ATL2: variants seen among roughly 807,000 people sequenced by gnomAD.
The protein encoded by ATL2 is atlastin-2.
ATL2 carries 31 observed loss-of-function variants against 73.9 expected under a neutral mutation model. The ratio of observed to expected loss-of-function variants is 0.42; its 90% CI spans 0.32 to 0.57. The LOEUF is 0.57. ATL2 is among the 20% of genes least tolerant of loss of function. The pLI, the probability that ATL2 is intolerant of heterozygous loss-of-function variation, is 0.14. For missense variants in ATL2, 738 were observed against 702.6 expected (o/e 1.05, Z -0.57); for synonymous variants, 291 against 237.5 (o/e 1.23, Z -2.07).
At position 38,313,294 on chromosome 2, in the gene ATL2, C is replaced by T. The variant is rs777944020; in HGVS notation, c.712-51G>A. The T allele has an allele frequency of 6.3e-5, 86 of 1,366,156 alleles. No homozygotes were observed. The East Asian group carries it at 9.1e-4, about 14-fold the overall frequency. The allele number at this position is 1,366,156 out of a possible 1,614,324, so 84.6% of individuals were successfully genotyped here. ...TTTATTTTACAATAAAGAAAATTTACGAAAAAATCACAACTCTTAACAATT... is the reference window on the plus strand; with the variant it reads ...TTTATTTTACAATAAAGAAAATTTATGAAAAAATCACAACTCTTAACAATT... On this transcript the variant is annotated intron_variant, in intron 6 of 12. Coordinates refer to ENST00000378954, the MANE Select transcript of ATL2 (RefSeq NM_001135673.4).
At chr2:38,365,134 TACACAC>T (rs541325892) in intron 1 of ATL2, among the ~76,000 whole-genome samples, 278 of 132,736 alleles carry the variant, frequency 2.1e-3, no homozygotes, top group East Asian at 3.0e-3. Context: ...AAGGGAATCA[TACACAC>T]ACACACACAC....
chr2:38,305,711 GAAAT>G (rs1480569734), intron 9 of ATL2, among the ~76,000 whole-genome samples: 1 of 151,484 alleles, frequency 6.6e-6, no homozygotes, highest in Non-Finnish European at 1.5e-5. Context: ...AATTAAGAAA[GAAAT>G]AAACACATTC....
Position 38,319,033 on chromosome 2 carries a change from G to C in ATL2, c.364-14C>G. ...ACTTTGAGAATCCTGTTAAAGTCAA[G>C]GATAAATGTAAAATACAACACAATT... On this transcript the variant is annotated splice_polypyrimidine_tract_variant and intron_variant, in intron 2 of 12. Transcript: ENST00000378954. The C allele has an allele frequency of 6.2e-7, 1 of 1,605,278 alleles. No individual in the cohort carries two copies. The highest frequency in any genetic ancestry group is 8.5e-7 in the Non-Finnish European group (1 of 1,176,700).
rs912425962 is a variant in ATL2 at position 38,315,408 on chromosome 2, T to C, written c.604-74A>G. On this transcript the variant is annotated intron_variant, in intron 4 of 12. Transcript: ENST00000378954. ...TACCCAGCTTCTGTATAACTTTACTTGTGGAAAAAAGGTTATTTTGTATCT... is the reference window on the plus strand; with the variant it reads ...TACCCAGCTTCTGTATAACTTTACTCGTGGAAAAAAGGTTATTTTGTATCT... 5 of 1,433,334 alleles carry C rather than the reference T, an allele frequency of 3.5e-6. No individual in the cohort carries two copies. In the African/African-American group the frequency reaches 7.5e-5, roughly 22 times the overall value. 88.8% of individuals were successfully genotyped at this position (1,433,334 alleles called of 1,614,324 possible). A position where few individuals can be genotyped will look rare whatever the true frequency, so the allele number is the denominator to read the frequency against.
intron 1 of ATL2, among the ~76,000 whole-genome samples, chr2:38,355,856 C>A (rs150831737): frequency 6.6e-6 from 1 of 151,818 alleles, no homozygotes; most frequent in Admixed American, 6.6e-5. Context: ...CGCACCACCA[C>A]GCCTAATTTT....
At chr2:38,370,961 G>A (rs1015031441) in intron 1 of ATL2, among the ~76,000 whole-genome samples, 1 of 150,628 alleles carries the variant, frequency 6.6e-6, no homozygotes, top group African/African-American at 2.4e-5. Context: ...CTATCTCGGG[G>A]GGGAAAAAAA....
chr2:38,324,573 C>T (rs561818036), intron 2 of ATL2, among the ~76,000 whole-genome samples: 2 of 152,298 alleles, frequency 1.3e-5, no homozygotes, highest in African/African-American at 4.8e-5. Flanking sequence ...AACATCTTAT[C>T]CAACCCCATT....
At chr2:38,374,771 G>A (rs1291396289) in intron 1 of ATL2, among the ~76,000 whole-genome samples, 1 of 152,196 alleles carries the variant, frequency 6.6e-6, no homozygotes, top group African/African-American at 2.4e-5. Context: ...AATACCAACT[G>A]TGGAAAAAGC....
At chr2:38,343,131 G>C in intron 2 of ATL2, 137 bp downstream of exon 2, 2 of 783,530 alleles carry the variant, frequency 2.6e-6, no homozygotes, top group Non-Finnish European at 3.4e-6. Context: ...CTGGGTAACA[G>C]AGTGAGACCA....
chr2:38,314,841 C>T (rs1667941391), intron 5 of ATL2, among the ~76,000 whole-genome samples, 177 bp from the exon 6 acceptor site: 1 of 152,202 alleles, frequency 6.6e-6, no homozygotes, highest in South Asian at 2.1e-4. Context: ...AGAAGTCATA[C>T]ACCAGTTTAA....
At chr2:38,343,191 G>C in intron 2 of ATL2, 77 bp downstream of exon 2, 1 of 655,308 alleles carries the variant, frequency 1.5e-6, no homozygotes, top group South Asian at 2.1e-5. Flanking sequence ...TATAGTTCTG[G>C]TTTTTGTCTA....
intron 2 of ATL2, among the ~76,000 whole-genome samples, chr2:38,336,397 TAGA>T (rs777847980): frequency 1.1e-4 from 16 of 152,338 alleles, no homozygotes; most frequent in South Asian, 2.1e-4. Flanking sequence ...AAATATGCTG[TAGA>T]AGGAGTCAAA....
At chr2:38,366,702 GTCTC>G (rs1414409289) in intron 1 of ATL2, among the ~76,000 whole-genome samples, 2 of 152,198 alleles carry the variant, frequency 1.3e-5, no homozygotes, top group East Asian at 3.9e-4. Flanking sequence ...TATGCATAAA[GTCTC>G]TATGATCTAC....
intron 8 of ATL2, 138 bp from the exon 9 acceptor site, chr2:38,309,644 G>C: frequency 1.1e-6 from 1 of 898,634 alleles, no homozygotes; most frequent in Non-Finnish European, 1.6e-6. Context: ...TTAAAAAAAA[G>C]CTCATCCAAC....
chr2:38,315,448 C>CAT, intron 4 of ATL2, 114 bp from the exon 5 acceptor site: 1 of 1,037,928 alleles, frequency 9.6e-7, no homozygotes, highest in Non-Finnish European at 1.3e-6. Flanking sequence ...GCAAAGGAAT[C>CAT]ATTTAACTAC....
chr2:38,362,955 G>A (rs924511663), intron 1 of ATL2, among the ~76,000 whole-genome samples: 4 of 152,196 alleles, frequency 2.6e-5, no homozygotes, highest in Non-Finnish European at 5.9e-5. Flanking sequence ...AACATTATTA[G>A]TAACTTTCTC....
upstream of ATL2, chr2:38,377,364 C>G (rs1672051799): frequency 4.3e-6 from 4 of 919,644 alleles, no homozygotes; most frequent in South Asian, 7.2e-5. Context: ...TAGCGCCGCT[C>G]TCCGCCTGTA....
chr2:38,313,305 C>A, intron 6 of ATL2, 62 bp from the exon 7 acceptor site: 1 of 1,185,584 alleles, frequency 8.4e-7, no homozygotes, highest in Non-Finnish European at 1.2e-6. Flanking sequence ...GAAAAAATCA[C>A]AACTCTTAAC....
chr2:38,356,916 C>G (rs554921881), intron 1 of ATL2, among the ~76,000 whole-genome samples: 35 of 152,298 alleles, frequency 2.3e-4, no homozygotes, highest in African/African-American at 7.2e-4. Flanking sequence ...TAATTCTACA[C>G]TAAATCAGAT....
Sources: gnomAD v4.1 joint callset for allele counts (sites outside exome capture counted in the v4.1 genomes callset) on GRCh38, gnomAD v4.1.1 for gene constraint, MANE v1.5 for transcripts, NCBI Gene and HGNC (gene_info 2026-07-23, HGNC 2026-07-21) for gene names.